Variants in ZMAT4 observed in about 807,000 individuals in gnomAD.
ZMAT4 encodes the protein zinc finger matrin-type 4, also known as zinc finger matrin-type protein 4.
A neutral mutation model predicts 28.7 loss-of-function variants in ZMAT4; 17 were observed. That is an observed-to-expected ratio of 0.59 (90% CI 0.41 to 0.89). The LOEUF is 0.89. Among genes scored for constraint, ZMAT4 ranks in the 40% least tolerant of loss-of-function variants. The probability of loss-of-function intolerance (pLI) is 0.00; values close to 1 mark genes in which losing one functional copy is unlikely to be tolerated. For synonymous variants in ZMAT4, 117 were observed against 109.2 expected (o/e 1.07, Z -0.44); for missense variants, 240 against 283.8 (o/e 0.85, Z 1.11).
chr8:40,873,883 TGA>T (rs1354231523), intron 1 of ZMAT4, among the ~76,000 whole-genome samples: 2 of 152,128 alleles, frequency 1.3e-5, no homozygotes, highest in African/African-American at 4.8e-5. Context: ...GGGATGCTGG[TGA>T]GAGGGGGTGA....
At chr8:40,862,230 C>A (rs944249551) in intron 1 of ZMAT4, among the ~76,000 whole-genome samples, 1 of 152,010 alleles carries the variant, frequency 6.6e-6, no homozygotes, top group African/African-American at 2.4e-5. Flanking sequence ...CCATGGAATA[C>A]TATGCAGCCA....
At chr8:40,765,008 A>T (rs10441598) in intron 3 of ZMAT4, among the ~76,000 whole-genome samples, 88,622 of 151,620 alleles carry the variant, frequency 0.58, 27,126 homozygotes, top group Middle Eastern at 0.72. Context: ...ATTAAAAAAA[A>T]AAAATTGTAG....
intron 2 of ZMAT4, among the ~76,000 whole-genome samples, chr8:40,787,063 A>G (rs1814116401): frequency 6.6e-6 from 1 of 152,232 alleles, no homozygotes; most frequent in Non-Finnish European, 1.5e-5. Context: ...TAAAATGTAA[A>G]GATAGAATAT....
chr8:40,603,858 C>A (rs929395789), intron 5 of ZMAT4, among the ~76,000 whole-genome samples: 8 of 152,148 alleles, frequency 5.3e-5, no homozygotes, highest in African/African-American at 1.9e-4. Context: ...TCTCAATCTC[C>A]TGATCTCGTG....
intron 5 of ZMAT4, among the ~76,000 whole-genome samples, chr8:40,584,895 A>C (rs1373556454): frequency 6.6e-6 from 1 of 152,194 alleles, no homozygotes; most frequent in Non-Finnish European, 1.5e-5. Flanking sequence ...TGGCCTCCCA[A>C]AGTGCTGGGA....
chr8:40,615,298 G>C (rs1383359879), intron 5 of ZMAT4, among the ~76,000 whole-genome samples: 1 of 152,198 alleles, frequency 6.6e-6, no homozygotes, highest in Non-Finnish European at 1.5e-5. Flanking sequence ...GAGATCCACT[G>C]TTAGTCTGAT....
chr8:40,747,073 T>G (rs758239159), intron 3 of ZMAT4, among the ~76,000 whole-genome samples: 2 of 152,210 alleles, frequency 1.3e-5, no homozygotes, highest in Non-Finnish European at 2.9e-5. Flanking sequence ...CCTTCCCGGC[T>G]GTGCTCACTA....
intron 2 of ZMAT4, among the ~76,000 whole-genome samples, chr8:40,785,169 G>T (rs539104383): frequency 9.9e-5 from 15 of 152,260 alleles, no homozygotes; most frequent in African/African-American, 3.6e-4. Flanking sequence ...TATGTAAACA[G>T]ACCCTTCAAT....
At chr8:40,696,283 G>A (rs1809881040) in intron 4 of ZMAT4, among the ~76,000 whole-genome samples, 1 of 152,050 alleles carries the variant, frequency 6.6e-6, no homozygotes, top group Non-Finnish European at 1.5e-5. Context: ...TTTTTCTTAA[G>A]AAAAACAGTG....
At chr8:40,699,545 G>A (rs573612215) in intron 3 of ZMAT4, among the ~76,000 whole-genome samples, 1 of 151,346 alleles carries the variant, frequency 6.6e-6, no homozygotes, top group African/African-American at 2.4e-5. Flanking sequence ...CAAATATATT[G>A]AATCAACATA....
At chr8:40,585,163 A>G (rs557020233) in intron 5 of ZMAT4, among the ~76,000 whole-genome samples, 5 of 152,246 alleles carry the variant, frequency 3.3e-5, no homozygotes, top group Admixed American at 2.6e-4. Flanking sequence ...CAATCACATA[A>G]TCAGGTACTG....
intron 2 of ZMAT4, among the ~76,000 whole-genome samples, chr8:40,795,403 C>T (rs1814551910): frequency 6.6e-6 from 1 of 152,212 alleles, no homozygotes; most frequent in Non-Finnish European, 1.5e-5. Context: ...CTTATGAATA[C>T]CATGATCACC....
At chr8:40,631,805 G>T (rs1177254794) in intron 5 of ZMAT4, among the ~76,000 whole-genome samples, 1 of 152,196 alleles carries the variant, frequency 6.6e-6, no homozygotes, top group Non-Finnish European at 1.5e-5. Flanking sequence ...ATTTCTGGTA[G>T]GAGAGCTATG....
intron 5 of ZMAT4, among the ~76,000 whole-genome samples, chr8:40,625,365 T>C (rs1273028495): frequency 6.6e-6 from 1 of 152,114 alleles, no homozygotes; most frequent in Non-Finnish European, 1.5e-5. Context: ...AGGCATGTGA[T>C]CATCTAATTT....
In ZMAT4 at chr8:40,897,705, C is replaced by A. The variant is rs1314286602; in HGVS notation, c.-27G>T. 2.0e-5 allele frequency: 3 copies of A among 152,284 alleles called. No homozygotes were observed. Among genetic ancestry groups the A allele is most frequent in the African/African-American group, 4.8e-5 (2 of 41,448 alleles). 9.4% of individuals were successfully genotyped at this position (152,284 alleles called of 1,614,324 possible). Reference sequence around the variant, plus strand: ...TACCTTTTCCGCGAGGCAGAGGGGCCGCCGGTGCCCAGAGGCCAGCTGCCC... The same window carrying A: ...TACCTTTTCCGCGAGGCAGAGGGGCAGCCGGTGCCCAGAGGCCAGCTGCCC... On this transcript the variant is annotated 5_prime_UTR_variant, in exon 1 of 7. Coordinates refer to ENST00000297737, the MANE Select transcript of ZMAT4 (RefSeq NM_024645.3).
At chr8:40,651,674 AC>A (rs1164677641) in intron 5 of ZMAT4, among the ~76,000 whole-genome samples, 3 of 151,716 alleles carry the variant, frequency 2.0e-5, no homozygotes, top group Non-Finnish European at 4.4e-5. Flanking sequence ...CTGACTTCAA[AC>A]TATACTACAA....
chr8:40,730,420 T>C (rs1282112146), intron 3 of ZMAT4, among the ~76,000 whole-genome samples: 4 of 152,256 alleles, frequency 2.6e-5, no homozygotes, highest in Non-Finnish European at 5.9e-5. Context: ...TCTGTTGGGA[T>C]TCCAACATAC....
chr8:40,577,799 GTAAT>G (rs1042620913), intron 6 of ZMAT4, among the ~76,000 whole-genome samples: 14 of 151,652 alleles, frequency 9.2e-5, no homozygotes, highest in African/African-American at 3.4e-4. Flanking sequence ...ATTTAATTTA[GTAAT>G]TAATTTTAAC....
chr8:40,805,529 G>T (rs1476356001), intron 2 of ZMAT4, among the ~76,000 whole-genome samples: 1 of 132,978 alleles, frequency 7.5e-6, no homozygotes, highest in African/African-American at 2.9e-5. Flanking sequence ...GCAAAGACTT[G>T]GAACCAACCC....
Sources: allele counts gnomAD v4.1 joint callset (sites outside exome capture counted in the v4.1 genomes callset), GRCh38; gene constraint gnomAD v4.1.1; transcripts MANE v1.5; gene names NCBI Gene and HGNC (gene_info 2026-07-23, HGNC 2026-07-21).